The following RABGAP1L variants were observed in gnomAD, a reference collection of about 807,000 sequenced individuals.
RABGAP1L encodes RAB GTPase activating protein 1 like, also known as rab GTPase-activating protein 1-like.
Under a neutral mutation model 137.7 loss-of-function variants are expected in RABGAP1L, and 63 were observed. The observed-to-expected ratio is 0.46, with a 90% CI of 0.37 to 0.56. The LOEUF (loss-of-function observed/expected upper bound fraction) is 0.56, where lower values mean the gene tolerates loss of function less well. Ranked by LOEUF, RABGAP1L falls within the 20% of genes least tolerant of loss-of-function variation. The pLI is 0.00. For missense variants in RABGAP1L, 1,095 were observed against 1,244.0 expected, an observed-to-expected ratio of 0.88 and a Z score of 1.80; for synonymous variants, 431 against 433.7, an observed-to-expected ratio of 0.99 and a Z score of 0.08.
chr1:174,819,291 T>C (rs1390989160), intron 19 of RABGAP1L, among the ~76,000 whole-genome samples: 1 of 151,578 alleles, frequency 6.6e-6, no homozygotes, highest in Non-Finnish European at 1.5e-5. Flanking sequence ...TAAGAGGATG[T>C]TGAGACTAAG....
chr1:174,286,340 A>G (rs1676044279), intron 10 of RABGAP1L, among the ~76,000 whole-genome samples: 1 of 151,906 alleles, frequency 6.6e-6, no homozygotes. Context: ...TAGGTTATCC[A>G]TTTTGTTGCC....
intron 13 of RABGAP1L, among the ~76,000 whole-genome samples, chr1:174,497,463 C>T (rs1389466589): frequency 6.6e-6 from 1 of 152,116 alleles, no homozygotes; most frequent in African/African-American, 2.4e-5. Flanking sequence ...TTTTTGTTTT[C>T]AGCCCTGTCC....
intron 14 of RABGAP1L, among the ~76,000 whole-genome samples, chr1:174,655,146 A>G (rs1422101908): frequency 6.6e-6 from 1 of 152,134 alleles, no homozygotes; most frequent in Admixed American, 6.5e-5. Context: ...TCTTATAAAC[A>G]AGGGTATTCT....
At chr1:174,719,864 T>C (rs1681350319) in intron 17 of RABGAP1L, among the ~76,000 whole-genome samples, 1 of 152,228 alleles carries the variant, frequency 6.6e-6, no homozygotes, top group South Asian at 2.1e-4. Context: ...CAAATCATAA[T>C]AAATTAATAT....
intron 19 of RABGAP1L, among the ~76,000 whole-genome samples, chr1:174,956,778 G>T (rs12123868): frequency 0.18 from 27,736 of 151,328 alleles, 3,465 homozygotes; most frequent in Non-Finnish European, 0.27. Flanking sequence ...CTCCAGAGTA[G>T]CTGGGATTAC....
chr1:174,303,927 A>G (rs1281594538), intron 10 of RABGAP1L, among the ~76,000 whole-genome samples: 2 of 152,156 alleles, frequency 1.3e-5, no homozygotes, highest in Admixed American at 1.3e-4. Flanking sequence ...GCCGTAATGC[A>G]CTGGACAGGG....
At chr1:174,805,306 G>A (rs1347995690) in intron 18 of RABGAP1L, among the ~76,000 whole-genome samples, 1 of 152,134 alleles carries the variant, frequency 6.6e-6, no homozygotes, top group Non-Finnish European at 1.5e-5. Context: ...AAAAGAAGTA[G>A]GACTTGTTTA....
chr1:174,969,000 T>G (rs1332434560), intron 20 of RABGAP1L, among the ~76,000 whole-genome samples: 1 of 152,188 alleles, frequency 6.6e-6, no homozygotes, highest in Non-Finnish European at 1.5e-5. Context: ...GGGGGGGATA[T>G]GCTCAGAAAG....
chr1:174,989,677 T>C lies in RABGAP1L; in HGVS notation c.3004-172T>C, dbSNP rs553454387. Among the ~76,000 whole-genome samples, 4 of 152,358 alleles carry C rather than the reference T, an allele frequency of 2.6e-5. No individual in the cohort carries two copies. The East Asian group carries it at 5.8e-4, about 22-fold the overall frequency. ...GATTCTAGATTTTTGATAAGTCTTT[T>C]AGCTCTTAACTTTATCCTTGTACTA... On this transcript the variant is annotated intron_variant, in intron 25 of 25. Coordinates refer to ENST00000681986, the MANE Select transcript of RABGAP1L (RefSeq NM_001366446.1).
At chr1:174,615,031 C>G (rs1327068821) in intron 13 of RABGAP1L, among the ~76,000 whole-genome samples, 1 of 152,170 alleles carries the variant, frequency 6.6e-6, no homozygotes. Context: ...GAATTTCATC[C>G]TGTAGCTCGG....
At chr1:174,258,657 T>A (rs559110808) in intron 7 of RABGAP1L, among the ~76,000 whole-genome samples, 60 of 152,300 alleles carry the variant, frequency 3.9e-4, no homozygotes, top group African/African-American at 1.3e-3. Flanking sequence ...AAAGCATTGG[T>A]GTGAAAGAAA....
chr1:174,717,255 A>G (rs1328303097), intron 17 of RABGAP1L, among the ~76,000 whole-genome samples: 1 of 152,092 alleles, frequency 6.6e-6, no homozygotes, highest in Non-Finnish European at 1.5e-5. Context: ...ATCAAAAGTT[A>G]AAAAATTTAG....
intron 13 of RABGAP1L, among the ~76,000 whole-genome samples, chr1:174,567,247 A>G (rs1164190725): frequency 1.3e-5 from 2 of 152,126 alleles, no homozygotes; most frequent in African/African-American, 4.8e-5. Flanking sequence ...TATTCTAAGT[A>G]CTTCATATAG....
chr1:174,745,776 G>C (rs1487774383), intron 17 of RABGAP1L, among the ~76,000 whole-genome samples: 2 of 152,164 alleles, frequency 1.3e-5, no homozygotes, highest in African/African-American at 4.8e-5. Flanking sequence ...TTCACTTGAT[G>C]TATGCTATCT....
chr1:174,489,887 G>T (rs983142209), intron 13 of RABGAP1L, among the ~76,000 whole-genome samples: 3 of 151,780 alleles, frequency 2.0e-5, no homozygotes, highest in Non-Finnish European at 4.4e-5. Context: ...TCTTCTGCTT[G>T]ATCAACTGTA....
chr1:174,697,631 TC>T (rs1385005139), intron 15 of RABGAP1L, among the ~76,000 whole-genome samples: 3 of 152,212 alleles, frequency 2.0e-5, no homozygotes, highest in African/African-American at 7.2e-5. Flanking sequence ...GCTACAGTTA[TC>T]TTACATGCAG....
intron 19 of RABGAP1L, among the ~76,000 whole-genome samples, chr1:174,813,585 T>C (rs1330906594): frequency 6.6e-6 from 1 of 152,082 alleles, no homozygotes; most frequent in Admixed American, 6.6e-5. Context: ...CAGAAAAAAA[T>C]TATTTTGTCT....
At chr1:174,460,152 G>A (rs1656509197) in intron 13 of RABGAP1L, among the ~76,000 whole-genome samples, 1 of 152,034 alleles carries the variant, frequency 6.6e-6, no homozygotes, top group African/African-American at 2.4e-5. Context: ...TGACAATGTT[G>A]TAAAAGGATG....
intron 18 of RABGAP1L, among the ~76,000 whole-genome samples, chr1:174,791,087 A>G (rs1687824665): frequency 6.6e-6 from 1 of 151,720 alleles, no homozygotes; most frequent in African/African-American, 2.4e-5. Flanking sequence ...GCTACTTGGG[A>G]GGCTGAGACA....
Sources: gnomAD v4.1 joint callset for allele counts (sites outside exome capture counted in the v4.1 genomes callset) on GRCh38, gnomAD v4.1.1 for gene constraint, MANE v1.5 for transcripts, NCBI Gene and HGNC (gene_info 2026-07-23, HGNC 2026-07-21) for gene names.